Variants in PARP8 observed in about 807,000 individuals in gnomAD.
The protein encoded by PARP8 is protein mono-ADP-ribosyltransferase PARP8.
A neutral mutation model predicts 124.1 loss-of-function variants in PARP8; 51 were observed. The ratio of observed to expected loss-of-function variants is 0.41; its 90% CI spans 0.33 to 0.52. The LOEUF is 0.52. Among genes scored for constraint, PARP8 ranks in the 20% least tolerant of loss-of-function variants. The pLI, the probability that PARP8 is intolerant of heterozygous loss-of-function variation, is 0.21. For synonymous variants in PARP8, 391 were observed against 361.5 expected (o/e 1.08, Z -0.93); for missense variants, 860 against 1,018.9 (o/e 0.84, Z 2.12).
intron 2 of PARP8, chr5:50,739,171 A>C (rs1284502259): frequency 6.1e-6 from 4 of 658,780 alleles, no homozygotes; most frequent in Non-Finnish European, 8.5e-6. Context: ...GACACAGGCT[A>C]GGTAACTCCT....
chr5:50,696,501 A>G (rs1753041439), intron 2 of PARP8, among the ~76,000 whole-genome samples: 1 of 152,120 alleles, frequency 6.6e-6, no homozygotes, highest in Non-Finnish European at 1.5e-5. Flanking sequence ...ATATTATCTA[A>G]ATACGAAGTA....
chr5:50,703,749 A>G (rs1166436214), intron 2 of PARP8, among the ~76,000 whole-genome samples: 3 of 152,082 alleles, frequency 2.0e-5, no homozygotes, highest in Non-Finnish European at 4.4e-5. Flanking sequence ...TATCCCTACA[A>G]AAAATTTAAA....
intron 2 of PARP8, among the ~76,000 whole-genome samples, chr5:50,728,789 T>C (rs1193459031): frequency 6.6e-6 from 1 of 152,134 alleles, no homozygotes; most frequent in Non-Finnish European, 1.5e-5. Context: ...TGTTGCATAA[T>C]GTATAAAGTA....
At chr5:50,750,390 C>T (rs1032399312) in intron 3 of PARP8, among the ~76,000 whole-genome samples, 1 of 152,016 alleles carries the variant, frequency 6.6e-6, no homozygotes, top group Non-Finnish European at 1.5e-5. Context: ...AAAATAATTT[C>T]CCAATGAAAA....
At chr5:50,668,737 A>C (rs1223682486) in intron 2 of PARP8, 1 of 152,302 alleles carries the variant, frequency 6.6e-6, no homozygotes, top group Non-Finnish European at 1.5e-5. Context: ...AACAAACCCA[A>C]ATCCAATTTT....
intron 2 of PARP8, among the ~76,000 whole-genome samples, chr5:50,733,966 T>C (rs1205778279): frequency 6.6e-6 from 1 of 152,224 alleles, no homozygotes; most frequent in East Asian, 1.9e-4. Flanking sequence ...TAGCATTTCC[T>C]TATTTTCTTC....
intron 15 of PARP8, among the ~76,000 whole-genome samples, chr5:50,817,126 A>G (rs1242186246): frequency 6.6e-6 from 1 of 152,210 alleles, no homozygotes; most frequent in African/African-American, 2.4e-5. Context: ...ATTATAAATT[A>G]GAAGGAAAAG....
In PARP8 at chr5:50,809,017, C is replaced by T. The variant is rs1256491821; in HGVS notation, c.1576-6415C>T. ...TGCCAAAAAACTTTTAGTTCAAAAA[C>T]ATGGTTTAAAAAAAAATCCAAACTG... On this transcript the variant is annotated intron_variant, in intron 14 of 25. Transcript: ENST00000281631. Among the ~76,000 whole-genome samples the T allele has an allele frequency of 2.8e-5, 4 of 144,976 alleles. No homozygotes were observed. The East Asian group carries it at 6.4e-4, about 23-fold the overall frequency.
At chr5:50,687,808 G>GC (rs945438486) in intron 2 of PARP8, among the ~76,000 whole-genome samples, 2 of 152,102 alleles carry the variant, frequency 1.3e-5, no homozygotes. Context: ...AGAAGGAACT[G>GC]CCCCCATGAT....
intron 7 of PARP8, among the ~76,000 whole-genome samples, chr5:50,766,259 A>G (rs1260579630): frequency 6.6e-6 from 1 of 152,198 alleles, no homozygotes; most frequent in East Asian, 1.9e-4. Context: ...TCTGATTTAT[A>G]GTCTTTTGTA....
intron 2 of PARP8, among the ~76,000 whole-genome samples, chr5:50,715,457 C>A (rs2149494121): frequency 6.6e-6 from 1 of 151,072 alleles, no homozygotes; most frequent in Non-Finnish European, 1.5e-5. Flanking sequence ...GTAGTGTATA[C>A]TTTTTGTGGG....
At chr5:50,733,558 A>G (rs1319090636) in intron 2 of PARP8, among the ~76,000 whole-genome samples, 1 of 152,182 alleles carries the variant, frequency 6.6e-6, no homozygotes. Context: ...GAAAAACTAC[A>G]CTAAGCTATA....
intron 7 of PARP8, among the ~76,000 whole-genome samples, chr5:50,773,477 G>C (rs1038764247): frequency 1.3e-5 from 2 of 152,154 alleles, no homozygotes; most frequent in Non-Finnish European, 2.9e-5. Flanking sequence ...AAATCAGTTG[G>C]TTGTAAGTGT....
chr5:50,792,890 T>C (rs917927911), intron 10 of PARP8, among the ~76,000 whole-genome samples: 11 of 152,154 alleles, frequency 7.2e-5, no homozygotes, highest in Non-Finnish European at 1.6e-4. Flanking sequence ...GTGATATACT[T>C]TCTGGCGATC....
intron 2 of PARP8, among the ~76,000 whole-genome samples, chr5:50,715,208 G>A (rs1203740093): frequency 9.2e-5 from 14 of 151,942 alleles, no homozygotes; most frequent in South Asian, 2.1e-4. Context: ...GTGCAAAAGC[G>A]TCTCACATGG....
intron 25 of PARP8, among the ~76,000 whole-genome samples, chr5:50,841,322 C>CT (rs1561456945): frequency 1.3e-5 from 2 of 151,776 alleles, no homozygotes; most frequent in African/African-American, 4.8e-5. Context: ...GTAACTATTT[C>CT]TTTTTAAAGA....
chr5:50,680,389 AC>A (rs1751156533), intron 2 of PARP8, among the ~76,000 whole-genome samples: 2 of 151,878 alleles, frequency 1.3e-5, no homozygotes, highest in South Asian at 4.2e-4. Flanking sequence ...TCATTTGTAA[AC>A]CGTTTGTGGT....
At chr5:50,698,969 G>GA (rs1753309783) in intron 2 of PARP8, among the ~76,000 whole-genome samples, 1 of 152,070 alleles carries the variant, frequency 6.6e-6, no homozygotes, top group South Asian at 2.1e-4. Context: ...AGTTTATTTT[G>GA]AAAAAAATTC....
intron 2 of PARP8, chr5:50,745,140 A>G (rs1758413405): frequency 1.1e-5 from 2 of 182,622 alleles, no homozygotes; most frequent in Non-Finnish European, 2.3e-5. Context: ...ATCATTTTGC[A>G]GGATTTCTGT....
Sources: gnomAD v4.1 joint callset for allele counts (sites outside exome capture counted in the v4.1 genomes callset) on GRCh38, gnomAD v4.1.1 for gene constraint, MANE v1.5 for transcripts, NCBI Gene and HGNC (gene_info 2026-07-23, HGNC 2026-07-21) for gene names.